Variants in KAZN observed in about 807,000 individuals in gnomAD.
The protein encoded by KAZN is kazrin.
In KAZN, 40 loss-of-function variants were observed where a neutral mutation model predicts 87.4. The observed-to-expected ratio is 0.46, with a 90% CI of 0.36 to 0.60. The LOEUF (loss-of-function observed/expected upper bound fraction) is 0.60, where lower values mean the gene tolerates loss of function less well. Ranked by LOEUF, KAZN falls within the 20% of genes least tolerant of loss-of-function variation. The pLI, the probability that KAZN is intolerant of heterozygous loss-of-function variation, is 0.00. For synonymous variants in KAZN, 466 were observed against 458.3 expected (o/e 1.02, Z -0.22); for missense variants, 898 against 1,073.9 (o/e 0.84, Z 2.29).
At chr1:14,419,188 G>A (rs1180263529) in intron 2 of KAZN, among the ~76,000 whole-genome samples, 1 of 152,178 alleles carries the variant, frequency 6.6e-6, no homozygotes, top group Non-Finnish European at 1.5e-5. Flanking sequence ...CTTATACATA[G>A]TCTTTGCAGT....
intron 2 of KAZN, 143 bp from the exon 3 acceptor site, chr1:15,034,606 C>A: frequency 2.0e-6 from 2 of 996,540 alleles, no homozygotes; most frequent in Non-Finnish European, 2.9e-6. Context: ...GTGGCAAGGG[C>A]ACATGGAAGG....
chr1:14,622,299 A>T (rs1436263434), intron 1 of KAZN, among the ~76,000 whole-genome samples: 1 of 152,194 alleles, frequency 6.6e-6, no homozygotes, highest in East Asian at 1.9e-4. Context: ...TTTGCTTAAT[A>T]TTAGGCCTTC....
rs57248871 is a variant in KAZN at position 14,841,405 on chromosome 1, C to CAAAA, written c.227-119246_227-119243dup. Among the ~76,000 whole-genome samples, 44 of 88,864 alleles carry CAAAA rather than the reference C, an allele frequency of 5.0e-4. 3 individuals are homozygous for CAAAA. Among genetic ancestry groups the CAAAA allele is most frequent in the Non-Finnish European group, 9.2e-4 (42 of 45,608 alleles). 58.3% of individuals were successfully genotyped at this position (88,864 alleles called of 152,430 possible). A position where few individuals can be genotyped will look rare whatever the true frequency, so the allele number is the denominator to read the frequency against. On this transcript the variant is annotated intron_variant, in intron 1 of 14. Transcript: ENST00000376030. ...TGGGCGACAGAGCAAGACTCCGTCT[C>CAAAA]AAAAAAAAAAAAAAAAAAAAAAAAA...
At chr1:14,781,823 C>A (rs1015220399) in intron 1 of KAZN, among the ~76,000 whole-genome samples, 5 of 152,174 alleles carry the variant, frequency 3.3e-5, no homozygotes. Flanking sequence ...GCTCAATAAA[C>A]GGAAGCTATT....
intron 1 of KAZN, among the ~76,000 whole-genome samples, chr1:14,170,537 C>T (rs1283551003): frequency 6.6e-6 from 1 of 152,126 alleles, no homozygotes; most frequent in Non-Finnish European, 1.5e-5. Context: ...GTAAAATGCA[C>T]GTAGCTTGAA....
In KAZN at chr1:14,769,679, G is replaced by A. The variant is rs1420259104; in HGVS notation, c.226+170456G>A. Among the ~76,000 whole-genome samples the A allele has an allele frequency of 6.6e-6, 1 of 152,134 alleles. No individual in the cohort carries two copies. Among genetic ancestry groups the A allele is most frequent in the African/African-American group, 2.4e-5 (1 of 41,438 alleles). On this transcript the variant is annotated intron_variant, in intron 1 of 14. Coordinates refer to ENST00000376030, the MANE Select transcript of KAZN (RefSeq NM_201628.3). This position sits in a 1 kb window ranked among gnomAD's most constrained non-coding sequence, Gnocchi z 4.1. ...TGCCCTTCCAGGTCTTACCAACAGA[G>A]GGCTCTTGATTAGTGTCTAAGTGAT...
At chr1:14,310,294 G>A (rs1279068341) in intron 2 of KAZN, among the ~76,000 whole-genome samples, 1 of 152,114 alleles carries the variant, frequency 6.6e-6, no homozygotes, top group Non-Finnish European at 1.5e-5. Flanking sequence ...GAGCCAGAAT[G>A]GAAAGTGCCA....
chr1:14,078,061 T>C (rs1177488155), intron 1 of KAZN, among the ~76,000 whole-genome samples: 1 of 152,232 alleles, frequency 6.6e-6, no homozygotes, highest in Non-Finnish European at 1.5e-5. Flanking sequence ...GGTGATCTGT[T>C]ACGGTGGCCC....
At chr1:14,997,070 C>T (rs1014145745) in intron 2 of KAZN, among the ~76,000 whole-genome samples, 43 of 152,262 alleles carry the variant, frequency 2.8e-4, no homozygotes, top group African/African-American at 9.6e-4. Flanking sequence ...CCAGCCTTAG[C>T]TGAAATGTCA....
rs142256003 is a variant in KAZN at position 14,350,510 on chromosome 1, G to A, written c.249+169918G>A. On this transcript the variant is annotated intron_variant, in intron 2 of 16. Transcript: ENST00000636203. ...TTGCTGCCTGGGAACATGTGGCAAC[G>A]TCTGGAGATCTTTTGGGTTGTCATA... 7.5e-3 allele frequency among the ~76,000 whole-genome samples: 1,146 copies of A among 152,300 alleles called. 11 individuals are homozygous for A. Among genetic ancestry groups the A allele is most frequent in the South Asian group, 0.012 (59 of 4,826 alleles).
intron 8 of KAZN, among the ~76,000 whole-genome samples, chr1:15,079,670 C>T (rs1639908775): frequency 6.6e-6 from 1 of 152,134 alleles, no homozygotes; most frequent in African/African-American, 2.4e-5. Context: ...CCCCCCCTCA[C>T]TTCTCATGGG....
intron 1 of KAZN, among the ~76,000 whole-genome samples, chr1:14,665,590 G>T (rs771902924): frequency 3.3e-5 from 5 of 152,126 alleles, no homozygotes; most frequent in Non-Finnish European, 7.3e-5. Flanking sequence ...GAGGGCACAG[G>T]TTCTGTAGGC....
rs1441850179 is a variant in KAZN, at chr1:14,599,936, G to T, written c.226+713G>T. 6.6e-6 allele frequency among the ~76,000 whole-genome samples: 1 copy of T among 152,056 alleles called. No individual in the cohort carries two copies. The highest frequency in any genetic ancestry group is 2.4e-5 in the African/African-American group (1 of 41,396). ...CAGGGAGCCCGTTTGAAGGGACTCT[G>T]CGGTTTAGAGAAGAGGAAGAAAAAG... On this transcript the variant is annotated intron_variant, in intron 1 of 14. Coordinates refer to ENST00000376030, the MANE Select transcript of KAZN (RefSeq NM_201628.3). The surrounding 1 kb of genome is among the most constrained non-coding windows in gnomAD (Gnocchi z 4.4).
intron 1 of KAZN, among the ~76,000 whole-genome samples, chr1:14,652,306 C>T (rs1209388014): frequency 1.3e-5 from 2 of 152,094 alleles, no homozygotes; most frequent in Admixed American, 1.3e-4. Context: ...TTTAAAATTG[C>T]CATTTCAGAG....
chr1:14,934,038 G>A (rs1230222232), intron 1 of KAZN, among the ~76,000 whole-genome samples: 5 of 151,550 alleles, frequency 3.3e-5, no homozygotes, highest in African/African-American at 1.2e-4. Flanking sequence ...TGTATTTTTA[G>A]TAGAGACGGG....
intron 1 of KAZN, among the ~76,000 whole-genome samples, chr1:14,071,800 G>T (rs1643258388): frequency 6.6e-6 from 1 of 152,210 alleles, no homozygotes; most frequent in Non-Finnish European, 1.5e-5. Context: ...AATACTTGTG[G>T]TGAGGGAAGG....
intron 1 of KAZN, among the ~76,000 whole-genome samples, chr1:13,935,113 T>A (rs2100947816): frequency 6.6e-6 from 1 of 152,100 alleles, no homozygotes; most frequent in Non-Finnish European, 1.5e-5. Context: ...GGCAGGTGCC[T>A]GTAATCCCAG....
intron 2 of KAZN, among the ~76,000 whole-genome samples, chr1:14,975,753 C>T (rs1010528867): frequency 2.0e-5 from 3 of 152,062 alleles, no homozygotes; most frequent in South Asian, 2.1e-4. Context: ...AGAAGGTGGC[C>T]GGGCACAGTG....
intron 1 of KAZN, among the ~76,000 whole-genome samples, chr1:13,982,833 T>C (rs1398162462): frequency 2.0e-5 from 3 of 151,810 alleles, no homozygotes; most frequent in Non-Finnish European, 4.4e-5. Context: ...TTGGTGCTGA[T>C]TATAAACCTT....
Sources: allele counts gnomAD v4.1 joint callset (sites outside exome capture counted in the v4.1 genomes callset), GRCh38; gene constraint gnomAD v4.1.1; non-coding constraint Gnocchi (gnomAD v3.1); transcripts MANE v1.5; gene names NCBI Gene and HGNC (gene_info 2026-07-23, HGNC 2026-07-21).